Variants in ZNF536 observed in about 807,000 individuals in gnomAD.
ZNF536 encodes the protein zinc finger protein 536.
ZNF536 carries 13 observed loss-of-function variants against 84.5 expected under a neutral mutation model. The observed-to-expected ratio is 0.15, with a 90% CI of 0.10 to 0.24. The LOEUF (loss-of-function observed/expected upper bound fraction) is 0.24, where lower values mean the gene tolerates loss of function less well. Among genes scored for constraint, ZNF536 ranks in the 10% least tolerant of loss-of-function variants. The pLI is 1.00. For missense variants in ZNF536, 1,536 were observed against 1,747.5 expected, an observed-to-expected ratio of 0.88 and a Z score of 2.16; for synonymous variants, 811 against 742.5, an observed-to-expected ratio of 1.09 and a Z score of -1.50.
intron 2 of ZNF536, among the ~76,000 whole-genome samples, chr19:30,347,062 G>C (rs1191101172): frequency 6.7e-6 from 1 of 150,328 alleles, no homozygotes; most frequent in Non-Finnish European, 1.5e-5. Flanking sequence ...GTATTTCACT[G>C]TGGTTTTGAT....
At chr19:30,498,578 A>G (rs1433472080) in intron 2 of ZNF536, among the ~76,000 whole-genome samples, 1 of 151,078 alleles carries the variant, frequency 6.6e-6, no homozygotes, top group Non-Finnish European at 1.5e-5. Context: ...CATCCTGCAC[A>G]TGTACCCCCA....
At chr19:30,394,762 C>G (rs908622891) in intron 1 of ZNF536, among the ~76,000 whole-genome samples, 1 of 152,192 alleles carries the variant, frequency 6.6e-6, no homozygotes, top group South Asian at 2.1e-4. Flanking sequence ...ACTGGACTTA[C>G]ACAATCTAGT....
chr19:30,633,094 C>T (rs1820962383), intron 1 of ZNF536, among the ~76,000 whole-genome samples: 2 of 152,128 alleles, frequency 1.3e-5, no homozygotes, highest in African/African-American at 2.4e-5. Flanking sequence ...TATAATTGAT[C>T]CACTTCCTTA....
downstream of ZNF536, among the ~76,000 whole-genome samples, chr19:30,561,271 A>G (rs2046154305): frequency 6.6e-6 from 1 of 152,232 alleles, no homozygotes; most frequent in Non-Finnish European, 1.5e-5. Flanking sequence ...TACTGGGAAG[A>G]GAGCTGGGGT....
intron 1 of ZNF536, among the ~76,000 whole-genome samples, chr19:30,229,490 A>G (rs1352194752): frequency 1.3e-5 from 2 of 152,308 alleles, no homozygotes; most frequent in East Asian, 3.9e-4. Context: ...GGGGAAGACT[A>G]GAACCCTAGT....
intron 1 of ZNF536, among the ~76,000 whole-genome samples, chr19:30,263,028 G>A (rs2145307174): frequency 6.6e-6 from 1 of 152,244 alleles, no homozygotes; most frequent in Middle Eastern, 3.4e-3. Flanking sequence ...AGAGAACTCC[G>A]CAGCGTGGAC....
intron 2 of ZNF536, among the ~76,000 whole-genome samples, chr19:30,476,510 G>T (rs1208284082): frequency 6.6e-6 from 1 of 152,196 alleles, no homozygotes; most frequent in Non-Finnish European, 1.5e-5. Flanking sequence ...GGCCTCTGAT[G>T]GGCAGCAATA....
At chr19:30,281,001 G>A (rs2045423086) in intron 1 of ZNF536, among the ~76,000 whole-genome samples, 1 of 152,172 alleles carries the variant, frequency 6.6e-6, no homozygotes, top group Non-Finnish European at 1.5e-5. Context: ...GAATTCACAG[G>A]GATGGGGGTG....
intron 2 of ZNF536, among the ~76,000 whole-genome samples, chr19:30,521,570 G>A (rs2044321116): frequency 6.6e-6 from 1 of 152,138 alleles, no homozygotes; most frequent in African/African-American, 2.4e-5. Flanking sequence ...GGCTAGTCCT[G>A]GAGCTAGGTC....
chr19:30,586,254 T>C (rs951241216), intron 1 of ZNF536, among the ~76,000 whole-genome samples: 1 of 152,208 alleles, frequency 6.6e-6, no homozygotes, highest in African/African-American at 2.4e-5. Context: ...ATGGAAGAAA[T>C]TTTGATGGAC....
At chr19:30,626,043 AC>A (rs1354826505) in intron 1 of ZNF536, among the ~76,000 whole-genome samples, 2 of 152,212 alleles carry the variant, frequency 1.3e-5, no homozygotes, top group Non-Finnish European at 2.9e-5. Context: ...CAAGAAAAAA[AC>A]ATCCATGTAA....
At chr19:30,266,378 G>C (rs903643914) in intron 1 of ZNF536, among the ~76,000 whole-genome samples, 1 of 152,048 alleles carries the variant, frequency 6.6e-6, no homozygotes, top group Non-Finnish European at 1.5e-5. Flanking sequence ...TCCCCATCAC[G>C]GTCAGACTGA....
intron 2 of ZNF536, among the ~76,000 whole-genome samples, chr19:30,491,785 C>T (rs776668757): frequency 2.0e-5 from 3 of 151,992 alleles, no homozygotes; most frequent in Non-Finnish European, 2.9e-5. Flanking sequence ...GTGGGGACTC[C>T]TCTGTGGGTC....
intron 2 of ZNF536, among the ~76,000 whole-genome samples, chr19:30,303,506 C>CT (rs34351280): frequency 2.7e-3 from 396 of 145,472 alleles, no homozygotes; most frequent in Middle Eastern, 0.011. Context: ...CTTTTTGACA[C>CT]TTTTTTTTTT....
At chr19:30,515,035 G>A (rs2055576847) in intron 2 of ZNF536, among the ~76,000 whole-genome samples, 1 of 151,984 alleles carries the variant, frequency 6.6e-6, no homozygotes, top group African/African-American at 2.4e-5. Context: ...ATCATTTGAT[G>A]AGCCCAGGCG....
At chr19:30,272,835 C>A (rs1265910697) in intron 1 of ZNF536, among the ~76,000 whole-genome samples, 1 of 152,176 alleles carries the variant, frequency 6.6e-6, no homozygotes, top group Non-Finnish European at 1.5e-5. Context: ...TTGGTTGCTT[C>A]CAAGTTTGGG....
At chr19:30,328,299 G>A (rs1001012473) in intron 2 of ZNF536, among the ~76,000 whole-genome samples, 3 of 152,128 alleles carry the variant, frequency 2.0e-5, no homozygotes, top group Admixed American at 6.5e-5. Flanking sequence ...CCGAGACTTC[G>A]GTGGAGGCCA....
intron 1 of ZNF536, among the ~76,000 whole-genome samples, chr19:30,645,833 GAT>G (rs2049445647): frequency 6.6e-6 from 1 of 152,178 alleles, no homozygotes; most frequent in African/African-American, 2.4e-5. Context: ...CATATGTTCT[GAT>G]GCTTTTGGTC....
intron 2 of ZNF536, among the ~76,000 whole-genome samples, chr19:30,302,203 C>T (rs989751320): frequency 6.6e-6 from 1 of 152,170 alleles, no homozygotes; most frequent in Non-Finnish European, 1.5e-5. Context: ...ACAGCTTCCT[C>T]GGAAATCCTA....
Sources: gnomAD v4.1 joint callset for allele counts (sites outside exome capture counted in the v4.1 genomes callset) on GRCh38, gnomAD v4.1.1 for gene constraint, MANE v1.5 for transcripts, NCBI Gene and HGNC (gene_info 2026-07-23, HGNC 2026-07-21) for gene names.